MKRN2: variants seen among roughly 807,000 people sequenced by gnomAD.
MKRN2 encodes E3 ubiquitin-protein ligase makorin-2.
A neutral mutation model predicts 45.4 loss-of-function variants in MKRN2; 32 were observed. The observed-to-expected ratio is 0.70, with a 90% confidence interval of 0.53 to 0.95. The LOEUF (loss-of-function observed/expected upper bound fraction) is 0.95. MKRN2 is among the 40% of genes least tolerant of loss of function. The pLI, the probability that MKRN2 is intolerant of heterozygous loss-of-function variation, is 0.00. For missense variants in MKRN2, 526 were observed against 536.7 expected (o/e 0.98, Z 0.20); for synonymous variants, 206 against 192.4 (o/e 1.07, Z -0.59).
chr3:12,576,560 G>A (rs1022716011), intron 5 of MKRN2, 71 bp from the exon 6 acceptor site: 16 of 1,064,804 alleles, frequency 1.5e-5, no homozygotes, highest in Non-Finnish European at 2.3e-5. Flanking sequence ...AGTTGAGCAA[G>A]AGGTTTAGCA....
chr3:12,557,255 G>C, intron 1 of MKRN2, 79 bp downstream of exon 1: 2 of 1,494,070 alleles, frequency 1.3e-6, no homozygotes, highest in South Asian at 1.2e-5. Context: ...GCTGTGGTCC[G>C]GGAACCTGAG....
In MKRN2 at chr3:12,568,991, G is replaced by A. The variant is rs2058083812; in HGVS notation, c.143G>A (p.Gly48Glu). 3 of 1,614,006 alleles carry A rather than the reference G, an allele frequency of 1.9e-6. No individual in the cohort carries two copies. The South Asian group carries it at 3.3e-5, about 18-fold the overall frequency. Residue 48 changes from glycine to glutamate, a missense_variant, in exon 2 of 8, where the codon GGA becomes GAA. By Grantham distance (98) the Gly-to-Glu change is moderately conservative (BLOSUM62 -2). Transcript: ENST00000170447. The stretch of plus-strand genomic sequence containing the variant: ...TACCAGAAGGGCTACTGTGCCTATG[G>A]AACTCGGTGCAGGCAAGGACTCTGC... ...KYYQKGYCAY[G>E]TRCRYDHTRP...
rs59197804 is a variant in MKRN2, at chr3:12,576,189, A to ATGTGTGTGTG, written c.858-410_858-401dup. On this transcript the variant is annotated intron_variant, in intron 5 of 7. Transcript: ENST00000170447. ...GTCTTTTTTGTTGAGGAAACCATAT[A>ATGTGTGTGTG]TGTGTGTGTGTGTGTGTGTGTGTGT... Among the ~76,000 whole-genome samples, 303 of 143,302 alleles carry ATGTGTGTGTG rather than the reference A, an allele frequency of 2.1e-3. 3 individuals carry two copies. The East Asian group carries it at 0.023, about 11-fold the overall frequency. 94.0% of individuals were successfully genotyped at this position (143,302 alleles called of 152,430 possible).
chr3:12,573,272 C>T (rs1442840916), intron 4 of MKRN2, among the ~76,000 whole-genome samples: 2 of 152,040 alleles, frequency 1.3e-5, no homozygotes, highest in Non-Finnish European at 2.9e-5. Context: ...CACCTGTAAT[C>T]CCAGCACTTT....
At chr3:12,579,678 TGTA>T (rs2058165381) in intron 6 of MKRN2, among the ~76,000 whole-genome samples, 1 of 151,564 alleles carries the variant, frequency 6.6e-6, no homozygotes, top group African/African-American at 2.4e-5. Context: ...CACAGAAGGG[TGTA>T]GGTTTTGTGT....
intron 4 of MKRN2, among the ~76,000 whole-genome samples, chr3:12,573,675 C>T (rs2058113546): frequency 6.6e-6 from 1 of 152,094 alleles, no homozygotes. Flanking sequence ...AGGCGGATCA[C>T]AAGGTCAGGA....
intron 1 of MKRN2, among the ~76,000 whole-genome samples, chr3:12,562,006 A>G (rs1160696387): frequency 6.6e-6 from 1 of 152,148 alleles, no homozygotes; most frequent in Non-Finnish European, 1.5e-5. Flanking sequence ...CATATCTAGT[A>G]AGGGGTCACA....
At position 12,568,939 on chromosome 3, in the gene MKRN2, A is replaced by G; in HGVS notation, c.91A>G (p.Ser31Gly). The G allele has an allele frequency of 6.2e-7, 1 of 1,614,192 alleles. No homozygotes were observed. Residue 31 changes from serine (S) to glycine (G), a missense_variant, in exon 2 of 8, where the codon AGC becomes GGC. By Grantham distance (56) the Ser-to-Gly change is moderately conservative. Coordinates refer to ENST00000170447, the MANE Select transcript of MKRN2 (RefSeq NM_014160.5). ...QCLFSHDLAN[S>G]KPSTICKYYQ... ...CCTATTCTCACATGACTTGGCAAAC[A>G]GCAAACCGTCCACCATCTGCAAGTA...
At chr3:12,574,036 G>T (rs1325607896) in intron 4 of MKRN2, among the ~76,000 whole-genome samples, 1 of 152,178 alleles carries the variant, frequency 6.6e-6, no homozygotes, top group Non-Finnish European at 1.5e-5. Context: ...ACTGCACCTG[G>T]CCTAAGGCAT....
intron 6 of MKRN2, among the ~76,000 whole-genome samples, chr3:12,578,706 G>A (rs979106970): frequency 3.3e-5 from 5 of 152,068 alleles, no homozygotes; most frequent in African/African-American, 1.2e-4. Flanking sequence ...TTCATTCTCT[G>A]GTGCCTTCAG....
intron 3 of MKRN2, among the ~76,000 whole-genome samples, chr3:12,570,807 C>T (rs1292259248): frequency 1.4e-5 from 2 of 147,966 alleles, no homozygotes; most frequent in Non-Finnish European, 3.0e-5. Context: ...TTCTTGAACC[C>T]GGGAGGCAAA....
At chr3:12,569,791 C>T (rs563042408) in intron 2 of MKRN2, among the ~76,000 whole-genome samples, 3 of 152,178 alleles carry the variant, frequency 2.0e-5, no homozygotes, top group Non-Finnish European at 4.4e-5. Flanking sequence ...CTGTTTGGAA[C>T]TTTCAGGTTC....
chr3:12,570,087 C>T lies in MKRN2; in HGVS notation c.172C>T (p.Pro58Ser), dbSNP rs1166489665. ...TTTGTTTAGATATGACCACACGAGGCCCTCTGCTGCAGCTGGAGGTGCTGT... is the reference window on the plus strand; with the variant it reads ...TTTGTTTAGATATGACCACACGAGGTCCTCTGCTGCAGCTGGAGGTGCTGT... Reference protein sequence around the residue: ...GTRCRYDHTRPSAAAGGAVGT... With the variant: ...GTRCRYDHTRSSAAAGGAVGT... Residue 58 changes from proline (P) to serine (S), a missense_variant, in exon 3 of 8, where the codon CCC becomes TCC. Pro to Ser is a moderately conservative substitution (Grantham distance 74). Transcript: ENST00000170447. 1 of 1,611,428 alleles carries T rather than the reference C, an allele frequency of 6.2e-7. No homozygotes were observed. The highest frequency in any genetic ancestry group is 1.7e-5 in the Admixed American group (1 of 59,406).
intron 6 of MKRN2, among the ~76,000 whole-genome samples, chr3:12,581,512 G>A (rs2058178057): frequency 6.6e-6 from 1 of 152,198 alleles, no homozygotes; most frequent in African/African-American, 2.4e-5. Context: ...CTCTGGAGCT[G>A]CCGGAGGGCC....
chr3:12,565,695 C>T (rs898477950), intron 1 of MKRN2, among the ~76,000 whole-genome samples: 5 of 151,904 alleles, frequency 3.3e-5, no homozygotes, highest in Non-Finnish European at 5.9e-5. Flanking sequence ...GCTACCGTGC[C>T]TGGCTAATTT....
chr3:12,578,312 CTTTT>C (rs71063833), intron 6 of MKRN2, among the ~76,000 whole-genome samples: 55 of 71,754 alleles, frequency 7.7e-4, no homozygotes, highest in African/African-American at 2.6e-3. Context: ...AGAGCTACTT[CTTTT>C]TTTTTTTTTT....
At position 12,568,867 on chromosome 3, in the gene MKRN2, C is replaced by G. The variant is rs2058082951; in HGVS notation, c.27-8C>G. On this transcript the variant is annotated splice_polypyrimidine_tract_variant and splice_region_variant and intron_variant, in intron 1 of 7. Transcript: ENST00000170447. ...CTAAAAGTTGTATGCCTGTGCTTGT[C>G]TCTGCAGGTATTTTATGCATGGTGT... The G allele has an allele frequency of 6.2e-7, 1 of 1,610,732 alleles. No homozygotes were observed. The highest frequency in any genetic ancestry group is 8.5e-7 in the Non-Finnish European group (1 of 1,178,828).
At chr3:12,576,099 ACT>A (rs767436844) in intron 5 of MKRN2, among the ~76,000 whole-genome samples, 17 of 151,850 alleles carry the variant, frequency 1.1e-4, no homozygotes, top group African/African-American at 3.1e-4. Flanking sequence ...AATCTGCCAG[ACT>A]CTGTTCAAAG....
intron 1 of MKRN2, among the ~76,000 whole-genome samples, chr3:12,562,352 G>A (rs1055888171): frequency 1.3e-5 from 2 of 152,136 alleles, no homozygotes; most frequent in Admixed American, 1.3e-4. Context: ...CCAGGCAAGG[G>A]GCAGCCTTGG....
Sources: gnomAD v4.1 joint callset for allele counts (sites outside exome capture counted in the v4.1 genomes callset) on GRCh38, gnomAD v4.1.1 for gene constraint, MANE v1.5 for transcripts, NCBI Gene and HGNC (gene_info 2026-07-23, HGNC 2026-07-21) for gene names.